FAM13A: variants seen among roughly 807,000 people sequenced by gnomAD.
The protein encoded by FAM13A is protein FAM13A.
A neutral mutation model predicts 129.6 loss-of-function variants in FAM13A; 76 were observed. The ratio of observed to expected loss-of-function variants is 0.59; its 90% confidence interval spans 0.49 to 0.71. The LOEUF (loss-of-function observed/expected upper bound fraction) is 0.71. Ranked by LOEUF, FAM13A falls within the 30% of genes least tolerant of loss-of-function variation. The pLI is 0.00. For missense variants in FAM13A, 1,108 were observed against 1,249.3 expected, an observed-to-expected ratio of 0.89 and a Z score of 1.70; for synonymous variants, 443 against 449.9, an observed-to-expected ratio of 0.98 and a Z score of 0.20.
chr4:88,767,473 CA>C, intron 13 of FAM13A, 79 bp downstream of exon 13: 1 of 993,572 alleles, frequency 1.0e-6, no homozygotes, highest in Non-Finnish European at 1.5e-6. Flanking sequence ...CCCTTATTGG[CA>C]GACTAATATT....
chr4:89,018,256 A>T (rs954563578), intron 3 of FAM13A, among the ~76,000 whole-genome samples: 19 of 152,204 alleles, frequency 1.2e-4, no homozygotes, highest in African/African-American at 4.3e-4. Flanking sequence ...TAGTGTCCTT[A>T]TAAGAAGAGG....
intron 3 of FAM13A, among the ~76,000 whole-genome samples, chr4:88,999,567 G>T (rs1763981517): frequency 6.6e-6 from 1 of 152,200 alleles, no homozygotes; most frequent in African/African-American, 2.4e-5. Flanking sequence ...TATAGTTTCA[G>T]ATGAAATCAT....
chr4:88,991,574 G>A (rs547213207), intron 3 of FAM13A, among the ~76,000 whole-genome samples: 25 of 152,262 alleles, frequency 1.6e-4, no homozygotes, highest in African/African-American at 6.0e-4. Flanking sequence ...TTAAGACAAT[G>A]GTTAGGTTTT....
intron 6 of FAM13A, among the ~76,000 whole-genome samples, chr4:88,895,916 C>G (rs1180673731): frequency 6.7e-6 from 1 of 148,868 alleles, no homozygotes; most frequent in African/African-American, 2.5e-5. Context: ...CATCGCATTA[C>G]TGGGTATATA....
intron 6 of FAM13A, among the ~76,000 whole-genome samples, chr4:88,888,898 T>C (rs1744898317): frequency 6.9e-6 from 1 of 145,184 alleles, no homozygotes; most frequent in African/African-American, 2.6e-5. Context: ...ATTGTGCCAC[T>C]GCGCTCCAGC....
intron 11 of FAM13A, among the ~76,000 whole-genome samples, chr4:88,779,391 G>A (rs936500358): frequency 2.0e-5 from 3 of 152,148 alleles, no homozygotes; most frequent in African/African-American, 4.8e-5. Flanking sequence ...TCAGGATGTC[G>A]TCTTAATATT....
rs1757378079 is a variant in FAM13A, at chr4:88,954,186, C to T, written c.606-15945G>A. Among the ~76,000 whole-genome samples, 8 of 152,276 alleles carry T rather than the reference C, an allele frequency of 5.3e-5. No homozygotes were observed. In the South Asian group the frequency reaches 1.4e-3, roughly 28 times the overall value. ...CTACACATAATATTAATATGAGGTG[C>T]TATATACTCCTGTATTCTTCATCCA... On this transcript the variant is annotated intron_variant, in intron 4 of 23. Transcript: ENST00000264344.
chr4:88,963,704 A>G (rs1410607805), intron 4 of FAM13A, among the ~76,000 whole-genome samples: 1 of 152,196 alleles, frequency 6.6e-6, no homozygotes, highest in Non-Finnish European at 1.5e-5. Context: ...TTTAAAAACC[A>G]CCACAATTAT....
In FAM13A at chr4:89,052,390, T is replaced by A. The variant is rs557690286; in HGVS notation, c.27+4548A>T. 1.4e-3 allele frequency among the ~76,000 whole-genome samples: 217 copies of A among 151,680 alleles called. 1 individual carries two copies. The Middle Eastern group carries it at 0.017, about 12-fold the overall frequency. On this transcript the variant is annotated intron_variant, in intron 1 of 23. Coordinates refer to ENST00000264344, the MANE Select transcript of FAM13A (RefSeq NM_014883.4). Reference sequence around the variant, plus strand: ...TAGTTACATATGTATACATGTGTCATGCTGGTGTGCTGCACCCATTAACTC... The same window carrying A: ...TAGTTACATATGTATACATGTGTCAAGCTGGTGTGCTGCACCCATTAACTC...
chr4:89,031,931 G>T (rs1310534178), intron 1 of FAM13A, among the ~76,000 whole-genome samples: 1 of 152,004 alleles, frequency 6.6e-6, no homozygotes, highest in Non-Finnish European at 1.5e-5. Context: ...TTAAAACCTT[G>T]AATTAGGGCC....
At chr4:88,737,718 TTTTC>T in intron 20 of FAM13A, 163 bp from the exon 21 acceptor site, 1 of 649,388 alleles carries the variant, frequency 1.5e-6, no homozygotes, top group Non-Finnish European at 2.7e-6. Context: ...CAAAAGTTCT[TTTTC>T]CAAGTTGCTG....
At chr4:88,867,722 G>A (rs966158205) in intron 6 of FAM13A, among the ~76,000 whole-genome samples, 1 of 152,110 alleles carries the variant, frequency 6.6e-6, no homozygotes, top group Non-Finnish European at 1.5e-5. Flanking sequence ...AGTTGGAGAA[G>A]GATATGTACA....
intron 6 of FAM13A, among the ~76,000 whole-genome samples, chr4:88,896,449 T>A (rs1166449315): frequency 6.6e-6 from 1 of 152,170 alleles, no homozygotes; most frequent in Non-Finnish European, 1.5e-5. Flanking sequence ...TCAATGTTTA[T>A]TAAGTTATTT....
chr4:88,741,336 T>C (rs1053909483), intron 19 of FAM13A, among the ~76,000 whole-genome samples: 3 of 152,232 alleles, frequency 2.0e-5, no homozygotes, highest in South Asian at 4.1e-4. Flanking sequence ...ATCACAGCTA[T>C]ATGCATCATG....
chr4:88,729,785 T>G (rs1737238230), intron 23 of FAM13A: 2 of 152,186 alleles, frequency 1.3e-5, no homozygotes, highest in African/African-American at 4.8e-5. Flanking sequence ...TAATTCTACA[T>G]GTATAAGATA....
chr4:88,730,063 T>TA (rs1335681288), intron 23 of FAM13A: 1 of 152,226 alleles, frequency 6.6e-6, no homozygotes, highest in Non-Finnish European at 1.5e-5. Flanking sequence ...CAATAATTGT[T>TA]AAACTAAACT....
intron 3 of FAM13A, among the ~76,000 whole-genome samples, chr4:89,014,726 T>G (rs1475337121): frequency 2.0e-5 from 3 of 152,256 alleles, no homozygotes; most frequent in African/African-American, 7.2e-5. Context: ...TATGCCTGTC[T>G]TACTTTAATC....
chr4:88,984,263 A>AT (rs1761973770), intron 4 of FAM13A, among the ~76,000 whole-genome samples: 1 of 152,196 alleles, frequency 6.6e-6, no homozygotes, highest in African/African-American at 2.4e-5. Context: ...CACAAAAAGC[A>AT]TAAGTGACAA....
At chr4:88,994,154 A>T (rs571374053) in intron 3 of FAM13A, among the ~76,000 whole-genome samples, 1 of 152,278 alleles carries the variant, frequency 6.6e-6, no homozygotes, top group African/African-American at 2.4e-5. Flanking sequence ...GGATTCACCC[A>T]CTGGACAAGG....
Sources: gnomAD v4.1 joint callset for allele counts (sites outside exome capture counted in the v4.1 genomes callset) on GRCh38, gnomAD v4.1.1 for gene constraint, MANE v1.5 for transcripts, NCBI Gene and HGNC (gene_info 2026-07-23, HGNC 2026-07-21) for gene names.